Variants in UGT2A2 observed in about 807,000 individuals in gnomAD.
The protein encoded by UGT2A2 is UDP glucuronosyltransferase family 2 member A2, also known as UDP-glucuronosyltransferase 2A2.
Under a neutral mutation model 50.7 loss-of-function variants are expected in UGT2A2, and 60 were observed. The ratio of observed to expected loss-of-function variants is 1.18; its 90% CI spans 0.96 to 1.47. The LOEUF (loss-of-function observed/expected upper bound fraction) is 1.47. UGT2A2 is among the 40% of genes most tolerant of loss of function. The pLI is 0.00. For synonymous variants in UGT2A2, 242 were observed against 214.6 expected (o/e 1.13, Z -1.11); for missense variants, 762 against 634.0 (o/e 1.20, Z -2.17).
At chr4:69,595,070 T>A in intron 4 of UGT2A2, 92 bp downstream of exon 4, 1 of 1,459,958 alleles carries the variant, frequency 6.8e-7, no homozygotes. Flanking sequence ...CATTTTAAAT[T>A]ATTAAAAATG....
intron 1 of UGT2A2, among the ~76,000 whole-genome samples, chr4:69,633,248 T>G (rs1721486744): frequency 6.6e-6 from 1 of 152,068 alleles, no homozygotes; most frequent in Non-Finnish European, 1.5e-5. Context: ...CACATAAAAA[T>G]TATACCTTAA....
chr4:69,592,221 A>T (rs1245165272), intron 5 of UGT2A2, among the ~76,000 whole-genome samples: 1 of 152,194 alleles, frequency 6.6e-6, no homozygotes, highest in Non-Finnish European at 1.5e-5. Context: ...CTCAGCCTTC[A>T]GGAAAAGTGA....
intron 1 of UGT2A2, among the ~76,000 whole-genome samples, chr4:69,617,512 T>C (rs1720471963): frequency 6.6e-6 from 1 of 151,916 alleles, no homozygotes; most frequent in South Asian, 2.1e-4. Flanking sequence ...ACACACAACA[T>C]ATTTAATAGG....
intron 1 of UGT2A2, among the ~76,000 whole-genome samples, chr4:69,626,732 T>G (rs1374690538): frequency 6.6e-6 from 1 of 151,884 alleles, no homozygotes; most frequent in Non-Finnish European, 1.5e-5. Flanking sequence ...TAATTGGAAT[T>G]AAGAGATTGC....
intron 1 of UGT2A2, among the ~76,000 whole-genome samples, chr4:69,605,374 G>A (rs1262227183): frequency 7.3e-6 from 1 of 136,630 alleles, no homozygotes; most frequent in Non-Finnish European, 1.6e-5. Context: ...TGAAACTAAC[G>A]ACAACAAAGA....
intron 4 of UGT2A2, 148 bp downstream of exon 4, chr4:69,595,014 G>T: frequency 8.6e-7 from 1 of 1,157,022 alleles, no homozygotes; most frequent in Non-Finnish European, 1.2e-6. Flanking sequence ...TAAAATTAAT[G>T]GCCAATTATG....
At chr4:69,599,067 T>G (rs1719100580) in intron 2 of UGT2A2, among the ~76,000 whole-genome samples, 179 bp downstream of exon 2, 1 of 152,150 alleles carries the variant, frequency 6.6e-6, no homozygotes, top group African/African-American at 2.4e-5. Flanking sequence ...AAATTGTCAA[T>G]GTAAAGTTCA....
Position 69,630,942 on chromosome 4 carries a change from G to T in UGT2A2, c.742+7957C>A, listed in dbSNP as rs868060810. On this transcript the variant is annotated intron_variant, in intron 1 of 5. Transcript: ENST00000604629. ...GTGCTAAAGAATACACGACTAAGTG[G>T]CAGAGTTAACAATACTACTTAAATG... Among the ~76,000 whole-genome samples, 3 of 152,016 alleles carry T rather than the reference G, an allele frequency of 2.0e-5. No homozygotes were observed. In the South Asian group the frequency reaches 6.2e-4, roughly 32 times the overall value.
At chr4:69,590,166 C>T (rs4148309) in intron 5 of UGT2A2, among the ~76,000 whole-genome samples, 32,906 of 151,922 alleles carry the variant, frequency 0.22, 3,680 homozygotes, top group Middle Eastern at 0.31. Context: ...ATGTTTGTGA[C>T]GAAAAGGACA....
At position 69,588,919 on chromosome 4, in the gene UGT2A2, C is replaced by T. The variant is rs1718412607; in HGVS notation, c.*453G>A. 1.3e-5 allele frequency: 2 copies of T among 153,510 alleles called. No individual in the cohort carries two copies. Among genetic ancestry groups the T allele is most frequent in the Non-Finnish European group, 2.9e-5 (2 of 68,958 alleles). 9.5% of individuals were successfully genotyped at this position (153,510 alleles called of 1,614,324 possible). A position where few individuals can be genotyped will look rare whatever the true frequency, so the allele number is the denominator to read the frequency against. On this transcript the variant is annotated 3_prime_UTR_variant, in exon 6 of 6. Transcript: ENST00000604629. ...ATTACCTTTCTCATAACACACTACTCTCCTACGGTGGCTCCCTGATTTGTT... is the reference window on the plus strand; with the variant it reads ...ATTACCTTTCTCATAACACACTACTTTCCTACGGTGGCTCCCTGATTTGTT...
chr4:69,595,244 T>A lies in UGT2A2; in HGVS notation c.1029A>T (p.Leu343Phe). The A allele has an allele frequency of 6.2e-7, 1 of 1,613,638 alleles. No individual in the cohort carries two copies. Among genetic ancestry groups the A allele is most frequent in the East Asian group, 2.2e-5 (1 of 44,786 alleles). The change falls in exon 4 of 6, where the codon TTA becomes TTT. Residue 343 changes from leucine to phenylalanine, a missense_variant. Transcript: ENST00000604629. ...SALAQIPQKVLWRYKGKKPAT... is the reference protein window; with the variant it reads ...SALAQIPQKVFWRYKGKKPAT... ...CTGGTTTCTTTCCTTTGTATCTCCATAAAACCTGTGGAAAATGGTGCTTTA... is the reference window on the plus strand; with the variant it reads ...CTGGTTTCTTTCCTTTGTATCTCCAAAAAACCTGTGGAAAATGGTGCTTTA...
intron 1 of UGT2A2, among the ~76,000 whole-genome samples, chr4:69,619,617 TA>T (rs1248897681): frequency 6.6e-6 from 1 of 151,914 alleles, no homozygotes; most frequent in African/African-American, 2.4e-5. Context: ...GTGTGAAACT[TA>T]AACACATTCT....
rs1718823501 is a variant in UGT2A2, at chr4:69,594,837, TG to T, written c.1112-142del. 4.5e-6 allele frequency: 5 copies of T among 1,101,556 alleles called. No individual in the cohort carries two copies. In the East Asian group the frequency reaches 1.3e-4, roughly 28 times the overall value. 68.2% of individuals were successfully genotyped at this position (1,101,556 alleles called of 1,614,324 possible). On this transcript the variant is annotated intron_variant, in intron 4 of 5. Coordinates refer to ENST00000604629, the MANE Select transcript of UGT2A2 (RefSeq NM_001105677.2). ...TACAAAAGCAGATCACATAGGGCAT[TG>T]GAATGTCAGAAAACTGTGATCCCAG...
At chr4:69,599,454 A>C in intron 1 of UGT2A2, 60 bp from the exon 2 acceptor site, 11 of 1,581,524 alleles carry the variant, frequency 7.0e-6, no homozygotes, top group Non-Finnish European at 9.4e-6. Flanking sequence ...CTGAGGAGAA[A>C]AAAAAGCTAC....
Position 69,639,116 on chromosome 4 carries a change from T to C in UGT2A2, c.525A>G (p.Pro175=). Residue 175 remains proline, a synonymous_variant, in exon 1 of 6, where the codon CCA becomes CCG. Transcript: ENST00000604629. The part of the protein sequence containing the change: ...GDLVALKLGI[P]FMYTLRFSPA... ...GAGAGAACCTCAATGTGTACATAAA[T>C]GGAATTCCTAATTTCAGAGCAACAA... The C allele has an allele frequency of 6.2e-7, 1 of 1,613,580 alleles. No homozygotes were observed. The highest frequency in any genetic ancestry group is 8.5e-7 in the Non-Finnish European group (1 of 1,179,730).
intron 1 of UGT2A2, among the ~76,000 whole-genome samples, chr4:69,619,584 T>C (rs1720619707): frequency 6.6e-6 from 1 of 151,940 alleles, no homozygotes; most frequent in Admixed American, 6.6e-5. Flanking sequence ...AATATAATCT[T>C]TTTCAGGTGA....
chr4:69,589,224 A>T lies in UGT2A2; in HGVS notation c.*148T>A. ...ATGCCAAAATCTAGGCTTTATCAGT[A>T]GGCTTATCGCAGGTAGAGAAATAGA... On this transcript the variant is annotated 3_prime_UTR_variant, in exon 6 of 6. Transcript: ENST00000604629. 1 of 1,012,842 alleles carries T rather than the reference A, an allele frequency of 9.9e-7. No individual in the cohort carries two copies. The highest frequency in any genetic ancestry group is 1.4e-6 in the Non-Finnish European group (1 of 735,728). 62.7% of individuals were successfully genotyped at this position (1,012,842 alleles called of 1,614,324 possible). A position where few individuals can be genotyped will look rare whatever the true frequency, so the allele number is the denominator to read the frequency against.
intron 1 of UGT2A2, among the ~76,000 whole-genome samples, chr4:69,615,821 T>C (rs1577972041): frequency 6.6e-6 from 1 of 151,926 alleles, no homozygotes; most frequent in Non-Finnish European, 1.5e-5. Context: ...AATATAAAAT[T>C]GGTGCAGCCA....
At chr4:69,593,250 A>ATAATCTC (rs1203556945) in intron 5 of UGT2A2, among the ~76,000 whole-genome samples, 2 of 152,106 alleles carry the variant, frequency 1.3e-5, no homozygotes, top group Non-Finnish European at 2.9e-5. Context: ...TTTGGAATAA[A>ATAATCTC]TAATCTCTAA....
Sources: allele counts gnomAD v4.1 joint callset (sites outside exome capture counted in the v4.1 genomes callset), GRCh38; gene constraint gnomAD v4.1.1; transcripts MANE v1.5; gene names NCBI Gene and HGNC (gene_info 2026-07-23, HGNC 2026-07-21).